Variants in ASCC3 observed in about 807,000 individuals in gnomAD.
ASCC3 encodes activating signal cointegrator 1 complex subunit 3.
Under a neutral mutation model 256.3 loss-of-function variants are expected in ASCC3, and 158 were observed. The ratio of observed to expected loss-of-function variants is 0.62; its 90% CI spans 0.54 to 0.70. ASCC3 has a LOEUF of 0.70. ASCC3 is among the 30% of genes least tolerant of loss of function. The pLI is 0.00. For missense variants in ASCC3, 2,259 were observed against 2,626.0 expected (o/e 0.86, Z 3.05); for synonymous variants, 948 against 883.4 (o/e 1.07, Z -1.30).
chr6:100,696,765 CAA>C (rs1213763217), intron 13 of ASCC3, among the ~76,000 whole-genome samples: 2 of 151,798 alleles, frequency 1.3e-5, no homozygotes, highest in Non-Finnish European at 2.9e-5. Context: ...AACATGTATA[CAA>C]GTTAGGTTTC....
In ASCC3 at chr6:100,723,206, T is replaced by C. The variant is rs182910309; in HGVS notation, c.1902+2333A>G. ...ACTGTAAAATGTTCCTTCCAGTTGATTATTTTTCTTATAGAAACCTATTAA... is the reference window on the plus strand; with the variant it reads ...ACTGTAAAATGTTCCTTCCAGTTGACTATTTTTCTTATAGAAACCTATTAA... On this transcript the variant is annotated intron_variant, in intron 11 of 41. Transcript: ENST00000369162. 1.0e-3 allele frequency among the ~76,000 whole-genome samples: 157 copies of C among 151,840 alleles called. 1 individual carries two copies. The highest frequency in any genetic ancestry group is 3.4e-3 in the Middle Eastern group (1 of 294).
intron 14 of ASCC3, among the ~76,000 whole-genome samples, chr6:100,674,701 TG>T (rs1264990548): frequency 2.0e-5 from 3 of 151,310 alleles, no homozygotes; most frequent in Non-Finnish European, 4.4e-5. Context: ...GGCGCGATCT[TG>T]GCTCACTGCA....
At chr6:100,742,713 C>T (rs908440877) in intron 10 of ASCC3, among the ~76,000 whole-genome samples, 5 of 152,218 alleles carry the variant, frequency 3.3e-5, no homozygotes, top group African/African-American at 1.2e-4. Flanking sequence ...TTTGGACTCT[C>T]CAAAGCTGGC....
chr6:100,625,849 A>C (rs1329171848), intron 29 of ASCC3, among the ~76,000 whole-genome samples: 1 of 152,122 alleles, frequency 6.6e-6, no homozygotes, highest in East Asian at 1.9e-4. Flanking sequence ...AATTAGGAGA[A>C]GTTTGTACCA....
chr6:100,865,545 T>C (rs1773435742), intron 2 of ASCC3, among the ~76,000 whole-genome samples: 2 of 152,196 alleles, frequency 1.3e-5, no homozygotes, highest in Non-Finnish European at 2.9e-5. Flanking sequence ...AACTGTTTTG[T>C]ATCTAACCAA....
At chr6:100,575,978 T>G (rs1260672597) in intron 36 of ASCC3, among the ~76,000 whole-genome samples, 1 of 152,064 alleles carries the variant, frequency 6.6e-6, no homozygotes, top group East Asian at 1.9e-4. Context: ...CCAACATCAT[T>G]AAGAGATTCT....
chr6:100,605,716 C>T lies in ASCC3; in HGVS notation c.5045-16G>A. ...TGGAGGACATCTTTAAAAGAGAGAA[C>T]AAAGAGATATTCTACAATGTGGCAT... On this transcript the variant is annotated splice_polypyrimidine_tract_variant and intron_variant, in intron 32 of 41. Transcript: ENST00000369162. The T allele has an allele frequency of 6.2e-7, 1 of 1,612,820 alleles. No homozygotes were observed. The highest frequency in any genetic ancestry group is 1.1e-5 in the South Asian group (1 of 91,032).
At chr6:100,555,073 C>T (rs1020874695) in intron 36 of ASCC3, among the ~76,000 whole-genome samples, 2 of 151,174 alleles carry the variant, frequency 1.3e-5, no homozygotes, top group African/African-American at 4.9e-5. Flanking sequence ...TTATATTGAC[C>T]AGAAAATTCA....
In ASCC3 at chr6:100,632,105, A is replaced by G. The variant is rs112964762; in HGVS notation, c.4123-892T>C. Among the ~76,000 whole-genome samples, 724 of 151,540 alleles carry G rather than the reference A, an allele frequency of 4.8e-3. 5 individuals carry two copies. Among genetic ancestry groups the G allele is most frequent in the African/African-American group, 0.017 (691 of 41,448 alleles). Reference sequence around the variant, plus strand: ...ACATAAAAAAACTGTTAGAATTAATAAACAAATTCAATACGCTTGAAGGAC... The same window carrying G: ...ACATAAAAAAACTGTTAGAATTAATGAACAAATTCAATACGCTTGAAGGAC... On this transcript the variant is annotated intron_variant, in intron 25 of 41. Transcript: ENST00000369162.
At chr6:100,771,726 T>C (rs1180809927) in intron 8 of ASCC3, among the ~76,000 whole-genome samples, 1 of 152,116 alleles carries the variant, frequency 6.6e-6, no homozygotes, top group African/African-American at 2.4e-5. Context: ...TTAAAATGGC[T>C]AACATTTAAA....
intron 2 of ASCC3, among the ~76,000 whole-genome samples, chr6:100,865,953 C>CATTTATTTATTTATTTATTT (rs59777780): frequency 6.8e-4 from 101 of 148,834 alleles, no homozygotes; most frequent in East Asian, 4.0e-3. Flanking sequence ...TAAATAATTT[C>CATTTATTTATTTATTTATTT]ATTTATTTAT....
chr6:100,879,302 T>C (rs564104428), intron 1 of ASCC3, among the ~76,000 whole-genome samples: 3 of 152,270 alleles, frequency 2.0e-5, no homozygotes, highest in Admixed American at 6.5e-5. Flanking sequence ...CTTCACTACA[T>C]AGGCATAATT....
At chr6:100,819,720 G>A (rs1379551532) in intron 4 of ASCC3, among the ~76,000 whole-genome samples, 1 of 152,160 alleles carries the variant, frequency 6.6e-6, no homozygotes, top group African/African-American at 2.4e-5. Flanking sequence ...TCTTCTGCCT[G>A]CTTTATTCTA....
chr6:100,868,145 A>T (rs1376942399), intron 1 of ASCC3, 107 bp from the exon 2 acceptor site: 1 of 667,964 alleles, frequency 1.5e-6, no homozygotes, highest in African/African-American at 1.8e-5. Context: ...TTGGTTAAAA[A>T]GCAATTGTTA....
chr6:100,653,756 C>T (rs545584185), intron 17 of ASCC3, among the ~76,000 whole-genome samples: 107 of 152,040 alleles, frequency 7.0e-4, no homozygotes, highest in Non-Finnish European at 1.4e-3. Flanking sequence ...AGTTTTAAAA[C>T]TATTACTTAT....
intron 4 of ASCC3, among the ~76,000 whole-genome samples, chr6:100,813,793 G>A (rs1190522856): frequency 5.9e-5 from 9 of 151,816 alleles, no homozygotes; most frequent in Admixed American, 5.9e-4. Context: ...AAACCAAGCA[G>A]AAGATTACTA....
chr6:100,663,749 A>T (rs370844535), intron 14 of ASCC3, among the ~76,000 whole-genome samples: 1 of 152,160 alleles, frequency 6.6e-6, no homozygotes, highest in Non-Finnish European at 1.5e-5. Context: ...AATTTGTGTT[A>T]GTTTTGCTGT....
At chr6:100,510,802 G>A (rs1454600472) in intron 40 of ASCC3, among the ~76,000 whole-genome samples, 2 of 152,048 alleles carry the variant, frequency 1.3e-5, no homozygotes, top group Non-Finnish European at 1.5e-5. Context: ...TTTATAAAAT[G>A]CAAGATTATT....
chr6:100,868,142 A>T, intron 1 of ASCC3, 104 bp from the exon 2 acceptor site: 1 of 677,746 alleles, frequency 1.5e-6, no homozygotes, highest in Non-Finnish European at 2.6e-6. Context: ...AAATTGGTTA[A>T]AAAGCAATTG....
Sources: allele counts gnomAD v4.1 joint callset (sites outside exome capture counted in the v4.1 genomes callset), GRCh38; gene constraint gnomAD v4.1.1; transcripts MANE v1.5; gene names NCBI Gene and HGNC (gene_info 2026-07-23, HGNC 2026-07-21).